AGBL1: variants seen among roughly 807,000 people sequenced by gnomAD.
AGBL1 encodes cytosolic carboxypeptidase 4.
AGBL1 carries 130 observed loss-of-function variants against 118.9 expected under a neutral mutation model. That is an observed-to-expected ratio of 1.09 (90% CI 0.95 to 1.26). The LOEUF is 1.26. AGBL1 is among the 50% of genes most tolerant of loss of function. The probability of loss-of-function intolerance (pLI) is 0.00; values close to 1 mark genes in which losing one functional copy is unlikely to be tolerated. For missense variants in AGBL1, 1,584 were observed against 1,298.1 expected (o/e 1.22, Z -3.38); for synonymous variants, 555 against 478.9 (o/e 1.16, Z -2.08).
At chr15:86,449,208 C>T (rs1292231359) in intron 18 of AGBL1, among the ~76,000 whole-genome samples, 1 of 152,094 alleles carries the variant, frequency 6.6e-6, no homozygotes, top group Non-Finnish European at 1.5e-5. Context: ...AAAACAACGG[C>T]CACAACAGTG....
intron 15 of AGBL1, among the ~76,000 whole-genome samples, chr15:86,277,684 A>T (rs1440741090): frequency 6.6e-6 from 1 of 152,242 alleles, no homozygotes; most frequent in Non-Finnish European, 1.5e-5. Context: ...AGCAAGGCCC[A>T]TGCCAAATAA....
At chr15:86,143,066 G>C (rs2076984845) in intron 2 of AGBL1, among the ~76,000 whole-genome samples, 2 of 152,156 alleles carry the variant, frequency 1.3e-5, no homozygotes, top group African/African-American at 2.4e-5. Context: ...TTTGTCCTTG[G>C]GCAAGGTGGA....
At chr15:86,736,371 C>T (rs1001475768) in intron 22 of AGBL1, among the ~76,000 whole-genome samples, 8 of 149,586 alleles carry the variant, frequency 5.3e-5, no homozygotes, top group Non-Finnish European at 8.8e-5. Context: ...CAGAGTGAAA[C>T]TCTGTCTCAA....
intron 5 of AGBL1, among the ~76,000 whole-genome samples, chr15:86,165,459 CA>C (rs1385038975): frequency 6.6e-6 from 1 of 152,152 alleles, no homozygotes; most frequent in Non-Finnish European, 1.5e-5. Context: ...TTTATCTGAT[CA>C]TAGTAACTGA....
intron 22 of AGBL1, among the ~76,000 whole-genome samples, chr15:86,704,477 G>T (rs764663363): frequency 6.6e-6 from 1 of 152,128 alleles, no homozygotes; most frequent in African/African-American, 2.4e-5. Context: ...AGTGGGCAAA[G>T]GATATGAACA....
chr15:86,802,142 C>A (rs2141350694), intron 22 of AGBL1, among the ~76,000 whole-genome samples: 1 of 152,190 alleles, frequency 6.6e-6, no homozygotes, highest in East Asian at 1.9e-4. Context: ...CTGAATGATT[C>A]CATATACAGA....
chr15:86,645,664 A>G (rs2085265481), intron 21 of AGBL1, among the ~76,000 whole-genome samples: 1 of 152,224 alleles, frequency 6.6e-6, no homozygotes, highest in Non-Finnish European at 1.5e-5. Flanking sequence ...AGAATTTTAG[A>G]GTAGATAGAA....
intron 3 of AGBL1, among the ~76,000 whole-genome samples, chr15:86,145,012 G>A (rs1229677758): frequency 2.0e-5 from 3 of 152,104 alleles, no homozygotes; most frequent in Non-Finnish European, 4.4e-5. Context: ...TCCTCTGAGG[G>A]TTGCCAGAAA....
At chr15:86,817,113 T>G (rs1158090375) in intron 22 of AGBL1, among the ~76,000 whole-genome samples, 1 of 151,508 alleles carries the variant, frequency 6.6e-6, no homozygotes, top group East Asian at 1.9e-4. Context: ...ATGATGAAAC[T>G]CCATCTCTAC....
chr15:86,163,627 C>T lies in AGBL1; in HGVS notation c.488+4601C>T, dbSNP rs191398770. Among the ~76,000 whole-genome samples the T allele has an allele frequency of 2.3e-4, 35 of 152,074 alleles. No individual in the cohort carries two copies. The East Asian group carries it at 6.4e-3, about 28-fold the overall frequency. On this transcript the variant is annotated intron_variant, in intron 5 of 22. Transcript: ENST00000614907. ...CCTGTAATCCCAGCTACCTGGGAGGCTGAGGCAGGAGAATCACTCAAACCC... is the reference window on the plus strand; with the variant it reads ...CCTGTAATCCCAGCTACCTGGGAGGTTGAGGCAGGAGAATCACTCAAACCC...
intron 1 of AGBL1, among the ~76,000 whole-genome samples, chr15:86,120,678 A>C (rs1042595810): frequency 6.6e-6 from 1 of 152,202 alleles, no homozygotes; most frequent in Non-Finnish European, 1.5e-5. Context: ...TGACTAGCAG[A>C]ACTCTTGGCA....
intron 18 of AGBL1, among the ~76,000 whole-genome samples, chr15:86,519,110 A>G (rs1171333599): frequency 1.3e-5 from 2 of 152,050 alleles, no homozygotes; most frequent in African/African-American, 4.8e-5. Flanking sequence ...ATATTTGCAG[A>G]TTATTGGTTC....
rs71460231 is a variant in AGBL1 at position 86,897,764 on chromosome 15, C to CTTTTTTT, written c.3159-9306_3159-9300dup. ...ATAATTTACTCCTTTCATCTTTTATCTTTTTTTTTTTTTTTTTTTTTTTGA... is the reference window on the plus strand; with the variant it reads ...ATAATTTACTCCTTTCATCTTTTATCTTTTTTTTTTTTTTTTTTTTTTTTTTTTTTGA... On this transcript the variant is annotated intron_variant, in intron 22 of 22. Transcript: ENST00000614907. 9.6e-3 allele frequency among the ~76,000 whole-genome samples: 774 copies of CTTTTTTT among 80,598 alleles called. 20 individuals are homozygous for CTTTTTTT. Among genetic ancestry groups the CTTTTTTT allele is most frequent in the Middle Eastern group, 0.016 (1 of 64 alleles). 52.9% of individuals were successfully genotyped at this position (80,598 alleles called of 152,430 possible).
At chr15:86,864,815 C>G (rs2079603161) in intron 22 of AGBL1, among the ~76,000 whole-genome samples, 1 of 152,142 alleles carries the variant, frequency 6.6e-6, no homozygotes, top group Non-Finnish European at 1.5e-5. Context: ...GCAAGTCGCC[C>G]TGGATTTCAT....
intron 17 of AGBL1, among the ~76,000 whole-genome samples, chr15:86,365,960 T>A (rs1444095530): frequency 6.6e-6 from 1 of 152,196 alleles, no homozygotes; most frequent in East Asian, 1.9e-4. Context: ...AAAAAATCTT[T>A]TTTTCCTCCT....
chr15:86,229,544 C>T (rs2078422072), intron 6 of AGBL1, among the ~76,000 whole-genome samples: 1 of 152,176 alleles, frequency 6.6e-6, no homozygotes, highest in Non-Finnish European at 1.5e-5. Flanking sequence ...ATCACCCTTT[C>T]TTATCATCTG....
chr15:86,380,465 T>A (rs1377069833), intron 17 of AGBL1, among the ~76,000 whole-genome samples: 1 of 151,408 alleles, frequency 6.6e-6, no homozygotes, highest in Non-Finnish European at 1.5e-5. Context: ...CCTTCCTTTT[T>A]TCCTCCCTCC....
intron 9 of AGBL1, among the ~76,000 whole-genome samples, chr15:86,259,216 G>A (rs543717838): frequency 6.6e-6 from 1 of 152,154 alleles, no homozygotes; most frequent in Non-Finnish European, 1.5e-5. Context: ...ACCCTCCAGG[G>A]ATGAACCAAA....
chr15:86,885,388 A>G (rs1045276478), intron 22 of AGBL1, among the ~76,000 whole-genome samples: 6 of 152,240 alleles, frequency 3.9e-5, no homozygotes, highest in African/African-American at 1.4e-4. Context: ...TGAAAAGACA[A>G]GGTTTTTCAG....
Sources: allele counts gnomAD v4.1 joint callset (sites outside exome capture counted in the v4.1 genomes callset), GRCh38; gene constraint gnomAD v4.1.1; transcripts MANE v1.5; gene names NCBI Gene and HGNC (gene_info 2026-07-23, HGNC 2026-07-21).